GLDC: variants seen among roughly 807,000 people sequenced by gnomAD.
GLDC encodes glycine decarboxylase, also known as glycine dehydrogenase (decarboxylating), mitochondrial.
In GLDC, 104 loss-of-function variants were observed where a neutral mutation model predicts 121.3. The observed-to-expected ratio is 0.86, with a 90% CI of 0.73 to 1.01. The LOEUF (loss-of-function observed/expected upper bound fraction) is 1.01, where lower values mean the gene tolerates loss of function less well. GLDC is among the 50% of genes least tolerant of loss of function. The pLI is 0.00. For missense variants in GLDC, 1,429 were observed against 1,306.6 expected, an observed-to-expected ratio of 1.09 and a Z score of -1.44; for synonymous variants, 546 against 480.6, an observed-to-expected ratio of 1.14 and a Z score of -1.78.
At chr9:6,588,535 T>A (rs561965237) in intron 13 of GLDC, 83 bp downstream of exon 13, 1 of 1,444,114 alleles carries the variant, frequency 6.9e-7, no homozygotes, top group African/African-American at 1.4e-5. Context: ...ACCCCTTTGT[T>A]GCTCTTGGAG....
intron 21 of GLDC, among the ~76,000 whole-genome samples, chr9:6,548,278 C>T (rs12685035): frequency 0.15 from 22,209 of 152,134 alleles, 1,926 homozygotes; most frequent in East Asian, 0.27. Context: ...CCGTGTTGAG[C>T]ATATATACAT....
chr9:6,545,013 C>T (rs982844569), intron 21 of GLDC, among the ~76,000 whole-genome samples: 3 of 151,692 alleles, frequency 2.0e-5, no homozygotes, highest in South Asian at 4.2e-4. Flanking sequence ...GTGGGAGAAT[C>T]GCTTGAACCC....
chr9:6,549,231 C>T (rs747439510), intron 21 of GLDC, among the ~76,000 whole-genome samples: 1 of 152,228 alleles, frequency 6.6e-6, no homozygotes, highest in Non-Finnish European at 1.5e-5. Flanking sequence ...TGCGTCATCA[C>T]GTGCATTTGT....
intron 2 of GLDC, among the ~76,000 whole-genome samples, chr9:6,632,348 G>A (rs1819401858): frequency 1.3e-5 from 2 of 152,198 alleles, no homozygotes; most frequent in African/African-American, 2.4e-5. Context: ...TAAGAAAGTT[G>A]TATAAAATAA....
Position 6,628,170 on chromosome 9 carries a change from C to T in GLDC, c.335-7851G>A, listed in dbSNP as rs116527958. Among the ~76,000 whole-genome samples, 624 of 152,288 alleles carry T rather than the reference C, an allele frequency of 4.1e-3. 3 individuals carry two copies. Among genetic ancestry groups the T allele is most frequent in the African/African-American group, 0.014 (597 of 41,554 alleles). On this transcript the variant is annotated intron_variant, in intron 2 of 24. Transcript: ENST00000321612. ...TCCTACCACTGTACACCTCTTCTCC[C>T]GTGGAAAAGAGCTACCTTTCTAGAG... is the stretch of plus-strand genomic sequence containing the variant.
chr9:6,567,308 T>C (rs1041556555), intron 15 of GLDC: 1 of 152,134 alleles, frequency 6.6e-6, no homozygotes, highest in African/African-American at 2.4e-5. Flanking sequence ...CCTAGCCTAT[T>C]TGAGGTTTTT....
At chr9:6,611,812 A>T (rs189463908) in intron 3 of GLDC, among the ~76,000 whole-genome samples, 187 of 152,234 alleles carry the variant, frequency 1.2e-3, no homozygotes, top group Non-Finnish European at 2.2e-3. Context: ...TATCAGATGG[A>T]CTAGATTGTA....
chr9:6,573,856 A>G (rs1563843043), intron 15 of GLDC, among the ~76,000 whole-genome samples: 1 of 152,202 alleles, frequency 6.6e-6, no homozygotes, highest in Non-Finnish European at 1.5e-5. Flanking sequence ...GCAGATTCCT[A>G]TCTACCAGGT....
chr9:6,534,182 CAA>C (rs1225665276), intron 24 of GLDC: 563 of 56,558 alleles, frequency 1.0e-2, no homozygotes, highest in African/African-American at 0.021. Context: ...GACTCCGTCT[CAA>C]AAAAAAAAAA....
At chr9:6,588,578 G>T (rs1279904891) in intron 13 of GLDC, 40 bp downstream of exon 13, 1 of 1,506,964 alleles carries the variant, frequency 6.6e-7, no homozygotes, top group East Asian at 2.3e-5. Context: ...CGTGGGATTG[G>T]GGTAGCTTGG....
chr9:6,588,486 A>G (rs753224569), intron 13 of GLDC, 44 bp from the exon 14 acceptor site: 9 of 1,536,056 alleles, frequency 5.9e-6, no homozygotes, highest in Non-Finnish European at 7.2e-6. Flanking sequence ...GTGATTTTCT[A>G]TAGTCCATCA....
intron 2 of GLDC, among the ~76,000 whole-genome samples, chr9:6,630,487 G>C (rs1819353622): frequency 6.6e-6 from 1 of 152,100 alleles, no homozygotes; most frequent in African/African-American, 2.4e-5. Flanking sequence ...TGCTTGGCAA[G>C]ACACTAGGAA....
chr9:6,554,831 C>A (rs370427322), intron 18 of GLDC, 50 bp from the exon 19 acceptor site: 65 of 1,402,848 alleles, frequency 4.6e-5, no homozygotes, highest in Middle Eastern at 1.7e-4. Context: ...TTGGAAGCAC[C>A]CTCCAGTGTG....
At position 6,534,315 on chromosome 9, in the gene GLDC, A is replaced by C; in HGVS notation, c.2919+393T>G. 4 of 277,374 alleles carry C rather than the reference A, an allele frequency of 1.4e-5. 1 individual carries two copies. The South Asian group carries it at 1.8e-4, about 12-fold the overall frequency. 17.2% of individuals were successfully genotyped at this position (277,374 alleles called of 1,614,324 possible). A position where few individuals can be genotyped will look rare whatever the true frequency, so the allele number is the denominator to read the frequency against. On this transcript the variant is annotated intron_variant, in intron 24 of 24. Coordinates refer to ENST00000321612, the MANE Select transcript of GLDC (RefSeq NM_000170.3). ...CATAGATCCATAAACAGCACATAGC[A>C]TAATTTGGCACATTTTTAGCCTTCT...
chr9:6,628,894 C>T (rs143682213), intron 2 of GLDC, among the ~76,000 whole-genome samples: 3 of 152,252 alleles, frequency 2.0e-5, no homozygotes, highest in Admixed American at 2.0e-4. Flanking sequence ...TCTTTTCTTG[C>T]AGAATAAATG....
chr9:6,618,957 G>A (rs1312052323), intron 3 of GLDC, among the ~76,000 whole-genome samples: 1 of 151,432 alleles, frequency 6.6e-6, no homozygotes, highest in Admixed American at 6.6e-5. Context: ...GCCTGGCCAA[G>A]ATGGTGAAAC....
Position 6,592,219 on chromosome 9 carries a change from C to A in GLDC, c.1406G>T (p.Gly469Val). ...NFRLFEDGTL[G>V]ISLDETVNEK... ...ATTGACTGTTTCATCAAGAGAAATA[C>A]CAAGCTACAGAAACACAAACAAAAT... The change falls in exon 11 of 25, where the codon GGT becomes GTT. Residue 469 changes from glycine to valine, a missense_variant. Gly to Val is a moderately radical substitution (Grantham distance 109). Coordinates refer to ENST00000321612, the MANE Select transcript of GLDC (RefSeq NM_000170.3). The A allele has an allele frequency of 6.3e-7, 1 of 1,590,878 alleles. No homozygotes were observed. Among genetic ancestry groups the A allele is most frequent in the Non-Finnish European group, 8.6e-7 (1 of 1,159,436 alleles).
At chr9:6,628,594 T>C (rs1819296983) in intron 2 of GLDC, among the ~76,000 whole-genome samples, 3 of 152,188 alleles carry the variant, frequency 2.0e-5, no homozygotes, top group Admixed American at 6.5e-5. Context: ...AGTTCGAGCC[T>C]GACCAACATA....
chr9:6,587,514 A>T (rs1226691966), intron 14 of GLDC, among the ~76,000 whole-genome samples: 1 of 152,240 alleles, frequency 6.6e-6, no homozygotes, highest in Non-Finnish European at 1.5e-5. Context: ...ACACAAAAAT[A>T]CAATGTTTTG....
Sources: allele counts gnomAD v4.1 joint callset (sites outside exome capture counted in the v4.1 genomes callset), GRCh38; gene constraint gnomAD v4.1.1; transcripts MANE v1.5; gene names NCBI Gene and HGNC (gene_info 2026-07-23, HGNC 2026-07-21).